HROB: variants seen among roughly 807,000 people sequenced by gnomAD.
HROB encodes homologous recombination OB-fold protein.
A neutral mutation model predicts 61.0 loss-of-function variants in HROB; 44 were observed. The ratio of observed to expected loss-of-function variants is 0.72; its 90% confidence interval spans 0.57 to 0.93. HROB has a LOEUF of 0.93. Among genes scored for constraint, HROB ranks in the 40% least tolerant of loss-of-function variants. The probability of loss-of-function intolerance (pLI) is 0.00; values close to 1 mark genes in which losing one functional copy is unlikely to be tolerated. For synonymous variants in HROB, 301 were observed against 310.4 expected (o/e 0.97, Z 0.32); for missense variants, 716 against 796.2 (o/e 0.90, Z 1.21).
intron 2 of HROB, chr17:44,147,627 G>A (rs867002037): frequency 6.9e-6 from 3 of 437,484 alleles, no homozygotes; most frequent in Non-Finnish European, 1.2e-5. Context: ...TAGTAGAGAC[G>A]GTTTCGCCAC....
Position 44,148,287 on chromosome 17 carries a change from C to A in HROB, c.484C>A (p.Leu162Met), listed in dbSNP as rs1374938822. ...GPEQDEFDKV[L>M]ASMELEEPGM... ...TGAACAAGACGAATTTGATAAAGTCCTGGCAAGCATGGAGTTGGAGGAGCC... is the reference window on the plus strand; with the variant it reads ...TGAACAAGACGAATTTGATAAAGTCATGGCAAGCATGGAGTTGGAGGAGCC... Residue 162 changes from leucine to methionine, a missense_variant, in exon 3 of 10, where the codon CTG becomes ATG. Coordinates refer to ENST00000585683, the MANE Select transcript of HROB (RefSeq NM_001171251.3). 1 of 1,614,172 alleles carries A rather than the reference C, an allele frequency of 6.2e-7. No individual in the cohort carries two copies.
At position 44,162,163 on chromosome 17, in the gene HROB, C is replaced by T; in HGVS notation, c.*231C>T. The stretch of plus-strand genomic sequence containing the variant: ...ACCAGAATCCGGCCGGAGACTGGCT[C>T]TCCAGCCAACAAGAAAGGCCTGTCA... On this transcript the variant is annotated 3_prime_UTR_variant, in exon 10 of 10. Coordinates refer to ENST00000585683, the MANE Select transcript of HROB (RefSeq NM_001171251.3). The T allele has an allele frequency of 2.0e-6, 1 of 507,900 alleles. No homozygotes were observed. Among genetic ancestry groups the T allele is most frequent in the Non-Finnish European group, 3.5e-6 (1 of 284,082 alleles). 31.5% of individuals were successfully genotyped at this position (507,900 alleles called of 1,614,324 possible).
Position 44,142,112 on chromosome 17 carries a change from A to G in HROB, c.-31A>G, listed in dbSNP as rs921923637. 2.6e-6 allele frequency: 4 copies of G among 1,525,820 alleles called. No homozygotes were observed. The highest frequency in any genetic ancestry group is 4.0e-5 in the Admixed American group (2 of 50,380). The allele number at this position is 1,525,820 out of a possible 1,614,324, so 94.5% of individuals were successfully genotyped here. On this transcript the variant is annotated 5_prime_UTR_variant, in exon 1 of 10. Transcript: ENST00000585683. ...TCCCCGGACTCGGGGTGCCGGGCCA[A>G]CCTCCCCGCCGAGGCCCACCCGCCG...
At chr17:44,143,271 G>A (rs1185255324) in intron 1 of HROB, among the ~76,000 whole-genome samples, 1 of 151,932 alleles carries the variant, frequency 6.6e-6, no homozygotes, top group African/African-American at 2.4e-5. Flanking sequence ...GCACTTTGGA[G>A]GCCACAGTGG....
intron 1 of HROB, among the ~76,000 whole-genome samples, chr17:44,142,792 C>A (rs896646688): frequency 6.6e-6 from 1 of 152,126 alleles, no homozygotes; most frequent in Non-Finnish European, 1.5e-5. Context: ...CTACTGGCTT[C>A]ATTTGCAGAA....
chr17:44,143,272 G>A (rs574296510), intron 1 of HROB, among the ~76,000 whole-genome samples: 1 of 152,136 alleles, frequency 6.6e-6, no homozygotes, highest in South Asian at 2.1e-4. Flanking sequence ...CACTTTGGAG[G>A]CCACAGTGGG....
intron 8 of HROB, among the ~76,000 whole-genome samples, chr17:44,157,615 G>A (rs913774147): frequency 2.6e-5 from 4 of 151,686 alleles, no homozygotes; most frequent in South Asian, 2.1e-4. Context: ...TGGTTTCACC[G>A]TGTTGGCCAG....
rs1313787700 is a variant in HROB, at chr17:44,142,094, A to G, written c.-49A>G. ...GTCCAAGGCCCCGGCGACTCCCCGG[A>G]CTCGGGGTGCCGGGCCAACCTCCCC... On this transcript the variant is annotated 5_prime_UTR_variant, in exon 1 of 10. Transcript: ENST00000585683. 3 of 1,530,154 alleles carry G rather than the reference A, an allele frequency of 2.0e-6. No individual in the cohort carries two copies. The highest frequency in any genetic ancestry group is 2.6e-6 in the Non-Finnish European group (3 of 1,143,966). The allele number at this position is 1,530,154 out of a possible 1,614,324, so 94.8% of individuals were successfully genotyped here.
At chr17:44,160,547 G>A (rs770797867) in intron 9 of HROB, among the ~76,000 whole-genome samples, 5 of 152,112 alleles carry the variant, frequency 3.3e-5, no homozygotes, top group African/African-American at 7.2e-5. Flanking sequence ...CAGCCTGGGC[G>A]ACAGAGTAAG....
chr17:44,141,971 A>C lies in HROB; in HGVS notation c.-172A>C, dbSNP rs561919773. On this transcript the variant is annotated 5_prime_UTR_variant, in exon 1 of 10. Transcript: ENST00000585683. ...AATGCGGCCTAAGGCGCCTGCCGCC[A>C]GTCTCCTGGCGACTTTCCCTATATC... The C allele has an allele frequency of 2.2e-6, 2 of 916,586 alleles. No individual in the cohort carries two copies. The highest frequency in any genetic ancestry group is 3.1e-6 in the Non-Finnish European group (2 of 640,468). 56.8% of individuals were successfully genotyped at this position (916,586 alleles called of 1,614,324 possible). A position where few individuals can be genotyped will look rare whatever the true frequency, so the allele number is the denominator to read the frequency against.
chr17:44,152,328 A>G (rs1433476090), intron 4 of HROB, among the ~76,000 whole-genome samples: 5 of 151,958 alleles, frequency 3.3e-5, no homozygotes, highest in African/African-American at 4.8e-5. Flanking sequence ...AGTCCTGCAG[A>G]CAGGACCTGA....
At chr17:44,147,691 C>T (rs947192416) in intron 2 of HROB, 167 bp from the exon 3 acceptor site, 2 of 675,204 alleles carry the variant, frequency 3.0e-6, no homozygotes, top group Non-Finnish European at 4.8e-6. Context: ...CTACCTTGGC[C>T]TCCCAAAGTG....
At position 44,155,382 on chromosome 17, in the gene HROB, T is replaced by G. The variant is rs2053942108; in HGVS notation, c.1741T>G (p.Phe581Val). 2 of 1,614,124 alleles carry G rather than the reference T, an allele frequency of 1.2e-6. No homozygotes were observed. Among genetic ancestry groups the G allele is most frequent in the East Asian group, 4.5e-5 (2 of 44,880 alleles). ...CAGCCCGGATTCTGGGGATGGGAGC[T>G]TCCTCAAGCCATCTCAGCCCTTCCC... ...IYSPDSGDGS[F>V]LKPSQPFPKD... The change falls in exon 8 of 10, where the codon TTC (phenylalanine) becomes GTC (valine). Residue 581 changes from phenylalanine to valine, a missense_variant. Transcript: ENST00000585683.
At position 44,155,720 on chromosome 17, in the gene HROB, G is replaced by A. The variant is rs1598104892; in HGVS notation, c.1770+309G>A. Among the ~76,000 whole-genome samples the A allele has an allele frequency of 3.3e-5, 5 of 152,252 alleles. 1 individual carries two copies. The highest frequency in any genetic ancestry group is 3.3e-4 in the Admixed American group (5 of 15,296). ...CCAAGTGGAGGGCCCACCAGGGGGT[G>A]GTGGCAGTAAATGACCGAGGGTCAG... On this transcript the variant is annotated intron_variant, in intron 8 of 9. Coordinates refer to ENST00000585683, the MANE Select transcript of HROB (RefSeq NM_001171251.3).
chr17:44,158,759 C>T (rs952868305), intron 9 of HROB, among the ~76,000 whole-genome samples: 4 of 152,080 alleles, frequency 2.6e-5, no homozygotes, highest in African/African-American at 7.2e-5. Context: ...CATTCTCCTG[C>T]CTCAGCCTCC....
intron 1 of HROB, among the ~76,000 whole-genome samples, chr17:44,144,832 C>T (rs905307439): frequency 6.6e-6 from 1 of 151,016 alleles, no homozygotes; most frequent in Non-Finnish European, 1.5e-5. Context: ...TCTCCTGCCT[C>T]AGCCTCCCGA....
intron 4 of HROB, 70 bp downstream of exon 4, chr17:44,151,114 G>A (rs1283624279): frequency 2.1e-6 from 3 of 1,456,730 alleles, no homozygotes; most frequent in Non-Finnish European, 2.9e-6. Context: ...TGTTTCAGGA[G>A]TTAAGAATCA....
rs745993084 is a variant in HROB at position 44,154,663 on chromosome 17, G to A, written c.1557G>A (p.Thr519=). The change falls in exon 6 of 10, where the codon ACG becomes ACA. Residue 519 remains threonine (T), a splice_region_variant and synonymous_variant. Coordinates refer to ENST00000585683, the MANE Select transcript of HROB (RefSeq NM_001171251.3). ...CCAGTGTGGTTTTCAAGGACCCCAC[G>A]GGTAAGGAATTAGGTCCTAGGTTGT... ...MDASVVFKDP[T]GEMQGTVHRL... is the part of the protein sequence containing the mutation. 1.1e-5 allele frequency: 17 copies of A among 1,613,848 alleles called. No homozygotes were observed. Among genetic ancestry groups the A allele is most frequent in the African/African-American group, 9.3e-5 (7 of 74,914 alleles).
chr17:44,147,628 G>A, intron 2 of HROB: 1 of 446,622 alleles, frequency 2.2e-6, no homozygotes, highest in Non-Finnish European at 4.1e-6. Flanking sequence ...AGTAGAGACG[G>A]TTTCGCCACG....
Sources: gnomAD v4.1 joint callset for allele counts (sites outside exome capture counted in the v4.1 genomes callset) on GRCh38, gnomAD v4.1.1 for gene constraint, MANE v1.5 for transcripts, NCBI Gene and HGNC (gene_info 2026-07-23, HGNC 2026-07-21) for gene names.